NCOA1: variants seen among roughly 807,000 people sequenced by gnomAD.
The protein encoded by NCOA1 is Hin-2 protein.
A neutral mutation model predicts 150.9 loss-of-function variants in NCOA1; 35 were observed. The observed-to-expected ratio is 0.23, with a 90% confidence interval of 0.18 to 0.31. The LOEUF is 0.31. Among genes scored for constraint, NCOA1 ranks in the 10% least tolerant of loss-of-function variants. NCOA1 has a pLI of 1.00. For missense variants in NCOA1, 1,491 were observed against 1,749.3 expected (o/e 0.85, Z 2.63); for synonymous variants, 590 against 630.0 (o/e 0.94, Z 0.95).
chr2:24,523,007 CATT>C (rs998058425), intron 1 of NCOA1, among the ~76,000 whole-genome samples: 1 of 152,104 alleles, frequency 6.6e-6, no homozygotes, highest in Non-Finnish European at 1.5e-5. Flanking sequence ...TTATATCAGG[CATT>C]ATTCTAAATA....
chr2:24,551,094 CAA>C (rs767086071), intron 1 of NCOA1, among the ~76,000 whole-genome samples: 39 of 69,278 alleles, frequency 5.6e-4, no homozygotes, highest in Non-Finnish European at 5.1e-4. Context: ...GACTTTGTCT[CAA>C]AAAAAAAAAA....
At chr2:24,747,928 G>A (rs1457174879) in intron 19 of NCOA1, among the ~76,000 whole-genome samples, 2 of 151,834 alleles carry the variant, frequency 1.3e-5, no homozygotes, top group African/African-American at 4.8e-5. Flanking sequence ...CCAACATGGA[G>A]AAACCCTGTC....
intron 16 of NCOA1, 104 bp from the exon 17 acceptor site, chr2:24,729,397 A>G (rs372668369): frequency 4.4e-6 from 5 of 1,132,350 alleles, no homozygotes; most frequent in Non-Finnish European, 6.3e-6. Flanking sequence ...TCTGGAGAGC[A>G]TGAATTCAGA....
intron 8 of NCOA1, among the ~76,000 whole-genome samples, chr2:24,688,457 A>C (rs185573510): frequency 6.6e-6 from 1 of 152,232 alleles, no homozygotes; most frequent in Non-Finnish European, 1.5e-5. Flanking sequence ...GACTGGTGTG[A>C]GATAGTATCT....
In NCOA1 at chr2:24,562,251, G is replaced by C. The variant is rs575732390; in HGVS notation, c.-395-2044G>C. On this transcript the variant is annotated intron_variant, in intron 1 of 22. Transcript: ENST00000348332. ...AGTACAGGTTGAGCAACCCAAATTT[G>C]AAAATCTGAAATCTGAAATGCTTCA... is the stretch of plus-strand genomic sequence containing the variant. Among the ~76,000 whole-genome samples, 25 of 152,296 alleles carry C rather than the reference G, an allele frequency of 1.6e-4. 1 individual carries two copies. The South Asian group carries it at 5.2e-3, about 32-fold the overall frequency.
rs763939259 is a variant in NCOA1 at position 24,575,576 on chromosome 2, C to CTT, written c.-259-8886_-259-8885dup. ...TAAAGAGGCCATTTTTTTTCTTTTT[C>CTT]TTTTTTTTTTTTTTTGAGACAGAGT... is the stretch of plus-strand genomic sequence containing the variant. On this transcript the variant is annotated intron_variant, in intron 2 of 22. Coordinates refer to ENST00000348332, the MANE Select transcript of NCOA1 (RefSeq NM_003743.5). Among the ~76,000 whole-genome samples, 136 of 135,654 alleles carry CTT rather than the reference C, an allele frequency of 1.0e-3. 1 individual carries two copies. Among genetic ancestry groups the CTT allele is most frequent in the African/African-American group, 2.6e-3 (96 of 37,212 alleles). 89.0% of individuals were successfully genotyped at this position (135,654 alleles called of 152,430 possible).
intron 3 of NCOA1, among the ~76,000 whole-genome samples, chr2:24,635,952 A>G (rs997482901): frequency 6.6e-6 from 1 of 152,208 alleles, no homozygotes; most frequent in African/African-American, 2.4e-5. Flanking sequence ...GATAGGAACA[A>G]TTCAATTTGC....
intron 4 of NCOA1, among the ~76,000 whole-genome samples, chr2:24,645,792 C>G (rs1279780830): frequency 1.3e-5 from 2 of 152,118 alleles, no homozygotes; most frequent in Non-Finnish European, 2.9e-5. Flanking sequence ...GATGCTCAAC[C>G]TGTATTAATT....
chr2:24,768,494 C>A lies in NCOA1; in HGVS notation c.*103C>A. The A allele has an allele frequency of 3.1e-5, 6 of 195,900 alleles. No homozygotes were observed. The highest frequency in any genetic ancestry group is 5.5e-5 in the Non-Finnish European group (6 of 109,364). The allele number at this position is 195,900 out of a possible 1,614,324, so 12.1% of individuals were successfully genotyped here. On this transcript the variant is annotated 3_prime_UTR_variant, in exon 23 of 23. Coordinates refer to ENST00000348332, the MANE Select transcript of NCOA1 (RefSeq NM_003743.5). ...TTTGATATCTCAATCTGCAGCCATT[C>A]TTCAGGTCGTAGCATTTGGAGCAAA...
intron 3 of NCOA1, among the ~76,000 whole-genome samples, chr2:24,617,425 T>C (rs1668920846): frequency 1.3e-5 from 2 of 152,182 alleles, no homozygotes; most frequent in Non-Finnish European, 2.9e-5. Flanking sequence ...GCTGTAACAG[T>C]GTCCCTCTTG....
intron 11 of NCOA1, 59 bp downstream of exon 11, chr2:24,697,857 G>A: frequency 1.3e-6 from 2 of 1,504,372 alleles, no homozygotes; most frequent in East Asian, 2.3e-5. Flanking sequence ...TATTTGAATA[G>A]TTCGTATAGA....
Sources: allele counts gnomAD v4.1 joint callset (sites outside exome capture counted in the v4.1 genomes callset), GRCh38; gene constraint gnomAD v4.1.1; transcripts MANE v1.5; gene names NCBI Gene and HGNC (gene_info 2026-07-23, HGNC 2026-07-21).